Variants in CYP4A22 observed in about 807,000 individuals in gnomAD.
The protein encoded by CYP4A22 is cytochrome P450 4A22.
A neutral mutation model predicts 56.2 loss-of-function variants in CYP4A22; 46 were observed. The ratio of observed to expected loss-of-function variants is 0.82; its 90% CI spans 0.65 to 1.05. The LOEUF is 1.05. Among genes scored for constraint, CYP4A22 ranks in the 50% least tolerant of loss-of-function variants. CYP4A22 has a pLI of 0.00. For synonymous variants in CYP4A22, 193 were observed against 251.1 expected (o/e 0.77, Z 2.19); for missense variants, 541 against 645.9 (o/e 0.84, Z 1.76).
Position 47,145,919 on chromosome 1 carries a change from C to T in CYP4A22, c.1276C>T (p.Pro426Ser). 1.2e-6 allele frequency: 2 copies of T among 1,614,144 alleles called. No individual in the cohort carries two copies. Among genetic ancestry groups the T allele is most frequent in the Non-Finnish European group, 1.7e-6 (2 of 1,180,012 alleles). Residue 426 changes from proline to serine, a missense_variant, in exon 10 of 12, where the codon CCC (proline) becomes TCC (serine). Pro to Ser is a moderately conservative substitution (Grantham distance 74, BLOSUM62 -1). Around this residue, in one of 3 missense-constraint regions of CYP4A22, gnomAD observed 204 missense variants for 258.9 expected, o/e 0.79. Coordinates refer to ENST00000371891, the MANE Select transcript of CYP4A22 (RefSeq NM_001010969.4). ...YGLHHNPKVWPNLEVFDPSRF... is the reference protein window; with the variant it reads ...YGLHHNPKVWSNLEVFDPSRF... ...CCTTCACCACAACCCAAAAGTGTGGCCCAACCTAGAGGTATGTGGTCCTTG... is the reference window on the plus strand; with the variant it reads ...CCTTCACCACAACCCAAAAGTGTGGTCCAACCTAGAGGTATGTGGTCCTTG...
Position 47,145,861 on chromosome 1 carries a change from C to A in CYP4A22, c.1223-5C>A, listed in dbSNP as rs1164799281. ...TCTTCTCTCTCTTTCCAACCTGCACCACAGGTATCATGGTCCTCCTCTCCA... is the reference window on the plus strand; with the variant it reads ...TCTTCTCTCTCTTTCCAACCTGCACAACAGGTATCATGGTCCTCCTCTCCA... On this transcript the variant is annotated splice_region_variant and splice_polypyrimidine_tract_variant and intron_variant, in intron 9 of 11. Transcript: ENST00000371891. 2 of 1,614,028 alleles carry A rather than the reference C, an allele frequency of 1.2e-6. No homozygotes were observed. Among genetic ancestry groups the A allele is most frequent in the Non-Finnish European group, 1.7e-6 (2 of 1,180,014 alleles).
chr1:47,143,794 A>C lies in CYP4A22; in HGVS notation c.668A>C (p.Asp223Ala), dbSNP rs1416762133. The C allele has an allele frequency of 4.3e-6, 7 of 1,613,728 alleles. No individual in the cohort carries two copies. The Admixed American group carries it at 1.2e-4, about 27-fold the overall frequency. Residue 223 changes from aspartate to alanine, a missense_variant, in exon 6 of 12, where the codon GAC becomes GCC. Around this residue, in one of 3 missense-constraint regions of CYP4A22, gnomAD observed 335 missense variants for 361.2 expected, o/e 0.93. Transcript: ENST00000371891. Reference sequence around the variant, plus strand: ...CAGTCCTACATCCAGGCCATTAGTGACCTGAACAGCCTGGTTTTTTGCTGT... The same window carrying C: ...CAGTCCTACATCCAGGCCATTAGTGCCCTGAACAGCCTGGTTTTTTGCTGT... ...NSQSYIQAIS[D>A]LNSLVFCCMR...
chr1:47,144,286 G>T, intron 6 of CYP4A22, 71 bp from the exon 7 acceptor site: 2 of 1,566,952 alleles, frequency 1.3e-6, no homozygotes, highest in Non-Finnish European at 1.7e-6. Flanking sequence ...CACTGGGGCA[G>T]TTGGGCAGCT....
chr1:47,148,831 C>G lies in CYP4A22; in HGVS notation c.*34C>G. The G allele has an allele frequency of 6.4e-7, 1 of 1,568,378 alleles. No homozygotes were observed. The highest frequency in any genetic ancestry group is 8.7e-7 in the Non-Finnish European group (1 of 1,155,614). On this transcript the variant is annotated 3_prime_UTR_variant, in exon 12 of 12. Transcript: ENST00000371891. The stretch of plus-strand genomic sequence containing the variant: ...ACCTGCCATCCTGTCTTCCTGACCC[C>G]CACTCCTATCTCCTGCCTGTCTGCC...
rs772582468 is a variant in CYP4A22, at chr1:47,137,446, G to C, written c.-40G>C. 2.0e-5 allele frequency: 31 copies of C among 1,581,052 alleles called. No individual in the cohort carries two copies. Among genetic ancestry groups the C allele is most frequent in the Non-Finnish European group, 2.7e-5 (31 of 1,162,690 alleles). ...GCACAGGTGGACAGGGGTGGTCAGA[G>C]AGAGGAAGGGGCACTCAGAGATCCA... is the stretch of plus-strand genomic sequence containing the variant. On this transcript the variant is annotated 5_prime_UTR_variant, in exon 1 of 12. Coordinates refer to ENST00000371891, the MANE Select transcript of CYP4A22 (RefSeq NM_001010969.4).
intron 6 of CYP4A22, 140 bp downstream of exon 6, chr1:47,144,056 G>C (rs1354391662): frequency 3.5e-6 from 5 of 1,434,366 alleles, no homozygotes; most frequent in Non-Finnish European, 4.6e-6. Context: ...TTGCTCAGGG[G>C]CTGGGAGCCA....
At chr1:47,142,916 T>A (rs1210982083) in intron 4 of CYP4A22, among the ~76,000 whole-genome samples, 1 of 152,220 alleles carries the variant, frequency 6.6e-6, no homozygotes, top group Non-Finnish European at 1.5e-5. Flanking sequence ...AGCTCAGCTC[T>A]CAGAACACTG....
intron 11 of CYP4A22, chr1:47,147,554 T>C (rs1645089625): frequency 1.7e-6 from 1 of 588,040 alleles, no homozygotes; most frequent in Admixed American, 6.3e-5. Context: ...GAGTGGCTTG[T>C]TGAGTGTCCC....
chr1:47,142,127 G>C lies in CYP4A22; in HGVS notation c.402G>C (p.Leu134Phe). ...APRIGYGLLL[L>F]NGQTWFQHRR... Reference sequence around the variant, plus strand: ...CCTTAGGGTACGGCTTGCTCCTGTTGAATGGGCAGACATGGTTCCAGCATC... The same window carrying C: ...CCTTAGGGTACGGCTTGCTCCTGTTCAATGGGCAGACATGGTTCCAGCATC... Residue 134 changes from leucine to phenylalanine, a missense_variant, in exon 4 of 12, where the codon TTG (leucine) becomes TTC (phenylalanine). This residue lies in a region of CYP4A22 where 335 missense variants were observed against 361.2 expected (regional missense o/e 0.93). Coordinates refer to ENST00000371891, the MANE Select transcript of CYP4A22 (RefSeq NM_001010969.4). 3.1e-6 allele frequency: 5 copies of C among 1,613,328 alleles called. No homozygotes were observed. The highest frequency in any genetic ancestry group is 4.2e-6 in the Non-Finnish European group (5 of 1,179,678).
rs558953855 is a variant in CYP4A22 at position 47,149,034 on chromosome 1, C to T, written c.*237C>T. On this transcript the variant is annotated 3_prime_UTR_variant, in exon 12 of 12. Coordinates refer to ENST00000371891, the MANE Select transcript of CYP4A22 (RefSeq NM_001010969.4). ...GCTGAGTGTTGGGAGAAGCTGAGGC[C>T]GAGCTTGCATGTCTGACATAATGTA... 32 of 473,712 alleles carry T rather than the reference C, an allele frequency of 6.8e-5. No individual in the cohort carries two copies. In the East Asian group the frequency reaches 6.9e-4, roughly 10 times the overall value. The allele number at this position is 473,712 out of a possible 1,614,324, so 29.3% of individuals were successfully genotyped here.
chr1:47,148,788 C>T lies in CYP4A22; in HGVS notation c.1551C>T (p.Asp517=). The T allele has an allele frequency of 3.1e-6, 5 of 1,606,472 alleles. No individual in the cohort carries two copies. The highest frequency in any genetic ancestry group is 4.3e-6 in the Non-Finnish European group (5 of 1,175,786). ...RRLPNPCEDK[D]QL ...TCCCTAACCCTTGTGAAGACAAGGA[C>T]CAGCTTTGAGGGCCTCCACCTGCCA... The change falls in exon 12 of 12, where the codon GAC becomes GAT. Residue 517 remains aspartate, a synonymous_variant. Transcript: ENST00000371891.
intron 1 of CYP4A22, among the ~76,000 whole-genome samples, chr1:47,140,117 G>A (rs1644991031): frequency 6.6e-6 from 1 of 152,166 alleles, no homozygotes; most frequent in Admixed American, 6.5e-5. Context: ...GATGACTGCA[G>A]GCAGCAGGGA....
rs201802480 is a variant in CYP4A22 at position 47,144,551 on chromosome 1, TG to T, written c.901del (p.Glu301ArgfsTer80). On this transcript the variant is annotated frameshift_variant and splice_region_variant, in exon 8 of 12. Coordinates refer to ENST00000371891, the MANE Select transcript of CYP4A22 (RefSeq NM_001010969.4). LOFTEE classifies it high-confidence loss of function. ...GCACTTTCACCACGGTCTTCCCAGA[TG>T]GAGAATGGGAGCATCTTGTCAGACA... ...DFLDILLLAK[M>X]ENGSILSDKD... 5,272 of 1,613,930 alleles carry T rather than the reference TG, an allele frequency of 3.3e-3. No homozygotes were observed. The East Asian group carries it at 0.047, about 15-fold the overall frequency.
intron 5 of CYP4A22, among the ~76,000 whole-genome samples, 162 bp downstream of exon 5, chr1:47,143,555 A>G (rs1389372245): frequency 1.3e-5 from 2 of 152,208 alleles, no homozygotes; most frequent in Non-Finnish European, 2.9e-5. Flanking sequence ...AGTCTCAGGA[A>G]CAGATGCCTA....
At position 47,148,647 on chromosome 1, in the gene CYP4A22, C is replaced by T. The variant is rs768133847; in HGVS notation, c.1410C>T (p.Ala470=). The change falls in exon 12 of 12, where the codon GCC becomes GCT. Residue 470 remains alanine, a synonymous_variant. Transcript: ENST00000371891. ...KQFAMNQLKV[A]RALTLLRFEL... ...TTGCCATGAACCAGCTGAAGGTGGC[C>T]AGGGCCCTGACCCTGCTCCGCTTTG... 3.1e-6 allele frequency: 5 copies of T among 1,613,626 alleles called. No homozygotes were observed. In the South Asian group the frequency reaches 4.4e-5, roughly 14 times the overall value.
chr1:47,147,470 T>G (rs1183763287), intron 11 of CYP4A22: 12 of 964,904 alleles, frequency 1.2e-5, no homozygotes, highest in African/African-American at 7.0e-5. Flanking sequence ...TACAAAAATG[T>G]GTTGTACAGA....
chr1:47,147,599 G>C (rs1267575357), intron 11 of CYP4A22, among the ~76,000 whole-genome samples: 1 of 152,228 alleles, frequency 6.6e-6, no homozygotes, highest in Non-Finnish European at 1.5e-5. Context: ...TGGACTGTGA[G>C]TGTTCATGGA....
chr1:47,147,954 G>T (rs1216117923), intron 11 of CYP4A22, among the ~76,000 whole-genome samples: 1 of 152,200 alleles, frequency 6.6e-6, no homozygotes, highest in African/African-American at 2.4e-5. Context: ...GAAGGACAAG[G>T]ATGGACGTTT....
rs769468020 is a variant in CYP4A22 at position 47,137,635 on chromosome 1, G to C, written c.150G>C (p.Gln50His). The C allele has an allele frequency of 1.9e-6, 3 of 1,613,852 alleles. No individual in the cohort carries two copies. The highest frequency in any genetic ancestry group is 2.5e-6 in the Non-Finnish European group (3 of 1,179,882). The stretch of plus-strand genomic sequence containing the variant: ...AGTGGCTGCTCAAAGCCCTCCAGCA[G>C]TTCCCGTGCCCTCCCTCCCACTGGC... ...HRQWLLKALQ[Q>H]FPCPPSHWLF... The change falls in exon 1 of 12, where the codon CAG (glutamine) becomes CAC (histidine). Residue 50 changes from glutamine (Q) to histidine (H), a missense_variant. This residue lies in a region of CYP4A22 where 335 missense variants were observed against 361.2 expected (regional missense o/e 0.93). Transcript: ENST00000371891.
Sources: gnomAD v4.1 joint callset for allele counts (sites outside exome capture counted in the v4.1 genomes callset) on GRCh38, gnomAD v4.1.1 for gene constraint, gnomAD v4.1.1 regional missense constraint, MANE v1.5 for transcripts, NCBI Gene and HGNC (gene_info 2026-07-23, HGNC 2026-07-21) for gene names.